Variants in CLOCK observed in about 807,000 individuals in gnomAD.
CLOCK encodes clock circadian regulator.
In CLOCK, 43 loss-of-function variants were observed where a neutral mutation model predicts 118.4. The observed-to-expected ratio is 0.36, with a 90% CI of 0.28 to 0.47. CLOCK has a LOEUF of 0.47. CLOCK is among the 20% of genes least tolerant of loss of function. CLOCK has a pLI of 1.00. For missense variants in CLOCK, 846 were observed against 999.9 expected (o/e 0.85, Z 2.08); for synonymous variants, 326 against 339.2 (o/e 0.96, Z 0.43).
intron 1 of CLOCK, among the ~76,000 whole-genome samples, chr4:55,541,065 T>C (rs571977388): frequency 1.3e-5 from 2 of 152,346 alleles, no homozygotes; most frequent in Non-Finnish European, 2.9e-5. Context: ...ATTAACAGAA[T>C]TACATCTCTG....
At chr4:55,529,518 A>C (rs1035758494) in intron 1 of CLOCK, among the ~76,000 whole-genome samples, 2 of 152,216 alleles carry the variant, frequency 1.3e-5, no homozygotes, top group African/African-American at 4.8e-5. Context: ...TTTATTCAGG[A>C]CATAGAAGAA....
At chr4:55,497,063 C>T (rs965496607) in intron 2 of CLOCK, among the ~76,000 whole-genome samples, 1 of 152,158 alleles carries the variant, frequency 6.6e-6, no homozygotes, top group African/African-American at 2.4e-5. Flanking sequence ...TAAAACAACA[C>T]AAATTTACTA....
chr4:55,492,253 A>G (rs2109954899), intron 2 of CLOCK, among the ~76,000 whole-genome samples: 1 of 152,216 alleles, frequency 6.6e-6, no homozygotes, highest in Non-Finnish European at 1.5e-5. Context: ...AATAAAACCA[A>G]TCCATGTGCT....
intron 1 of CLOCK, among the ~76,000 whole-genome samples, chr4:55,539,284 A>G (rs1248451052): frequency 6.6e-6 from 1 of 151,654 alleles, no homozygotes; most frequent in African/African-American, 2.4e-5. Context: ...CACTTCAAAA[A>G]AGGTGAAACT....
chr4:55,507,842 G>C (rs62305270), intron 2 of CLOCK, among the ~76,000 whole-genome samples: 37,421 of 151,946 alleles, frequency 0.25, 4,935 homozygotes, highest in South Asian at 0.37. Context: ...TATGCTAACT[G>C]TGGAGTTGAG....
At chr4:55,525,626 G>A (rs62309727) in intron 1 of CLOCK, among the ~76,000 whole-genome samples, 47,262 of 151,814 alleles carry the variant, frequency 0.31, 7,614 homozygotes, top group Middle Eastern at 0.41. Flanking sequence ...CCACCACCAT[G>A]CCCAGCTAAT....
At chr4:55,448,643 T>C (rs113599879) in intron 18 of CLOCK, 136 bp downstream of exon 18, 7,089 of 579,418 alleles carry the variant, frequency 0.012, 85 homozygotes, top group African/African-American at 0.036. Flanking sequence ...TGTGTGTGTG[T>C]GCTCCTACCT....
intron 20 of CLOCK, among the ~76,000 whole-genome samples, chr4:55,443,320 T>C (rs1311020072): frequency 6.6e-6 from 1 of 151,636 alleles, no homozygotes; most frequent in African/African-American, 2.4e-5. Flanking sequence ...ACTAAAAATA[T>C]GAAAATCAGC....
intron 3 of CLOCK, among the ~76,000 whole-genome samples, 176 bp from the exon 4 acceptor site, chr4:55,483,004 T>G (rs886098258): frequency 6.6e-6 from 1 of 152,114 alleles, no homozygotes; most frequent in African/African-American, 2.4e-5. Flanking sequence ...TGAGGCTTCT[T>G]TTCCCCTCCT....
intron 2 of CLOCK, among the ~76,000 whole-genome samples, chr4:55,505,620 C>T (rs984787007): frequency 6.6e-6 from 1 of 152,010 alleles, no homozygotes; most frequent in African/African-American, 2.4e-5. Flanking sequence ...GCTGTGACTG[C>T]ACCACTGCAC....
intron 4 of CLOCK, among the ~76,000 whole-genome samples, chr4:55,480,367 A>C (rs1726834262): frequency 6.6e-6 from 1 of 152,144 alleles, no homozygotes; most frequent in African/African-American, 2.4e-5. Context: ...TGGGTTCAAG[A>C]AGTCCTCTTG....
chr4:55,493,621 C>T (rs1349376143), intron 2 of CLOCK, among the ~76,000 whole-genome samples: 1 of 152,092 alleles, frequency 6.6e-6, no homozygotes, highest in African/African-American at 2.4e-5. Flanking sequence ...TTTTTAGATT[C>T]GTTGTTTAAT....
chr4:55,482,092 C>A lies in CLOCK; in HGVS notation c.47+647G>T, dbSNP rs73236146. 8.2e-3 allele frequency among the ~76,000 whole-genome samples: 1,252 copies of A among 152,174 alleles called. 6 individuals are homozygous for A. The highest frequency in any genetic ancestry group is 0.015 in the Non-Finnish European group (1,030 of 67,990). Reference sequence around the variant, plus strand: ...GTAAAAAACAAAGACAACTTAAAGTCTTTTCTTTTCTACTTTTACTTTAGG... The same window carrying A: ...GTAAAAAACAAAGACAACTTAAAGTATTTTCTTTTCTACTTTTACTTTAGG... On this transcript the variant is annotated intron_variant, in intron 4 of 22. Transcript: ENST00000513440.
chr4:55,482,764 T>C lies in CLOCK; in HGVS notation c.22A>G (p.Ser8Gly), dbSNP rs764433881. Residue 8 changes from serine (S) to glycine (G), a missense_variant, in exon 4 of 23, where the codon AGT becomes GGT. Ser to Gly is a moderately conservative substitution (Grantham distance 56). This residue lies in a region of CLOCK where 246 missense variants were observed against 300.2 expected (regional missense o/e 0.82). Coordinates refer to ENST00000513440, the MANE Select transcript of CLOCK (RefSeq NM_004898.4). MLFTVSC[S>G]KMSSIVDRDD... ...CTGTCAACAATCGAGCTCATTTTAC[T>C]ACAGCTTACGGTAAACAACATAACA... 6.2e-7 allele frequency: 1 copy of C among 1,609,854 alleles called. No individual in the cohort carries two copies. The highest frequency in any genetic ancestry group is 2.2e-5 in the East Asian group (1 of 44,594).
intron 1 of CLOCK, among the ~76,000 whole-genome samples, chr4:55,535,796 T>G (rs963341252): frequency 1.4e-5 from 2 of 141,644 alleles, no homozygotes; most frequent in Non-Finnish European, 3.0e-5. Context: ...CAGGCTGGAG[T>G]GCAGTGGCAC....
intron 21 of CLOCK, among the ~76,000 whole-genome samples, chr4:55,440,710 C>T (rs1181796232): frequency 6.6e-6 from 1 of 152,122 alleles, no homozygotes. Flanking sequence ...TAAATTAATA[C>T]CTGAATTAGC....
intron 1 of CLOCK, among the ~76,000 whole-genome samples, chr4:55,516,573 T>A (rs1345096946): frequency 6.6e-6 from 1 of 152,248 alleles, no homozygotes; most frequent in Non-Finnish European, 1.5e-5. Flanking sequence ...CCATTTTCTT[T>A]TAATCTATGT....
rs963590001 is a variant in CLOCK, at chr4:55,535,499, G to A, written c.-290+11283C>T. ...AAGCAGGAGGATCACTTGAGCCCAG[G>A]AGTTCAAGACAAGCCTGGGCAACAA... On this transcript the variant is annotated intron_variant, in intron 1 of 22. Transcript: ENST00000513440. Among the ~76,000 whole-genome samples the A allele has an allele frequency of 3.9e-5, 6 of 152,116 alleles. No homozygotes were observed. The South Asian group carries it at 1.2e-3, about 32-fold the overall frequency.
rs774380579 is a variant in CLOCK at position 55,438,275 on chromosome 4, G to A, written c.2361+7C>T. 1.9e-6 allele frequency: 3 copies of A among 1,614,090 alleles called. No individual in the cohort carries two copies. Among genetic ancestry groups the A allele is most frequent in the Non-Finnish European group, 2.5e-6 (3 of 1,179,984 alleles). ...GTTTGAAGCAGCTTCCCCATGGGGA[G>A]AATTACCTGTAAAAATTGTTGCGGT... is the stretch of plus-strand genomic sequence containing the variant. On this transcript the variant is annotated splice_region_variant and intron_variant, in intron 22 of 22. Transcript: ENST00000513440.
Sources: allele counts gnomAD v4.1 joint callset (sites outside exome capture counted in the v4.1 genomes callset), GRCh38; gene constraint gnomAD v4.1.1; regional missense constraint gnomAD v4.1.1; transcripts MANE v1.5; gene names NCBI Gene and HGNC (gene_info 2026-07-23, HGNC 2026-07-21).